Variants in ATG7 observed in about 807,000 individuals in gnomAD.
ATG7 encodes autophagy related 7.
A neutral mutation model predicts 82.4 loss-of-function variants in ATG7; 70 were observed. That is an observed-to-expected ratio of 0.85 (90% CI 0.70 to 1.04). The LOEUF (loss-of-function observed/expected upper bound fraction) is 1.04, where lower values mean the gene tolerates loss of function less well. Ranked by LOEUF, ATG7 falls within the 50% of genes least tolerant of loss-of-function variation. The pLI is 0.00. For missense variants in ATG7, 792 were observed against 864.3 expected (o/e 0.92, Z 1.05); for synonymous variants, 287 against 313.0 (o/e 0.92, Z 0.88).
At chr3:11,497,432 C>T (rs981857163) in intron 20 of ATG7, among the ~76,000 whole-genome samples, 8 of 126,262 alleles carry the variant, frequency 6.3e-5, no homozygotes, top group Non-Finnish European at 1.3e-4. Flanking sequence ...ATACCAGCTA[C>T]TCAGGAGGCA....
At chr3:11,490,469 ATATT>A (rs1170462950) in intron 20 of ATG7, among the ~76,000 whole-genome samples, 5 of 152,146 alleles carry the variant, frequency 3.3e-5, no homozygotes, top group African/African-American at 1.2e-4. Context: ...TAGTCCATTT[ATATT>A]TAAAGTTAAT....
chr3:11,443,136 C>A (rs1297710411), intron 20 of ATG7, among the ~76,000 whole-genome samples: 1 of 152,162 alleles, frequency 6.6e-6, no homozygotes, highest in Non-Finnish European at 1.5e-5. Context: ...CCAGGTGTCG[C>A]CATGCACTCC....
intron 20 of ATG7, among the ~76,000 whole-genome samples, chr3:11,484,997 T>G (rs1460301520): frequency 1.3e-5 from 2 of 152,194 alleles, no homozygotes; most frequent in Non-Finnish European, 2.9e-5. Flanking sequence ...AGTGCCGCAA[T>G]AAACATACGT....
At chr3:11,399,407 A>T (rs1464531389) in intron 19 of ATG7, among the ~76,000 whole-genome samples, 1 of 152,214 alleles carries the variant, frequency 6.6e-6, no homozygotes, top group Non-Finnish European at 1.5e-5. Context: ...AATGTTAAAA[A>T]ACAAAATGAA....
At chr3:11,429,573 ATCT>A (rs2082678932) in intron 20 of ATG7, among the ~76,000 whole-genome samples, 1 of 152,092 alleles carries the variant, frequency 6.6e-6, no homozygotes, top group Non-Finnish European at 1.5e-5. Context: ...CCAGACATGC[ATCT>A]CTTAATAGTG....
intron 20 of ATG7, among the ~76,000 whole-genome samples, chr3:11,488,920 A>G (rs2090057454): frequency 6.6e-6 from 1 of 152,130 alleles, no homozygotes; most frequent in Non-Finnish European, 1.5e-5. Context: ...GGCCTCATAA[A>G]ATGAATTAGG....
chr3:11,309,337 A>G (rs1948265031), intron 7 of ATG7, among the ~76,000 whole-genome samples: 2 of 152,194 alleles, frequency 1.3e-5, no homozygotes, highest in Non-Finnish European at 2.9e-5. Context: ...ATGTGGTTTC[A>G]TTGTTGCTAA....
chr3:11,361,286 CTTTTTT>C (rs760437157), intron 16 of ATG7, among the ~76,000 whole-genome samples: 2 of 139,096 alleles, frequency 1.4e-5, no homozygotes, highest in African/African-American at 5.3e-5. Flanking sequence ...ATAATGAATT[CTTTTTT>C]TTTTTTTTTT....
the ATG7 span, among the ~76,000 whole-genome samples, chr3:11,571,642 G>A: frequency 1.3e-5 from 2 of 152,340 alleles, no homozygotes; most frequent in African/African-American, 4.8e-5. Flanking sequence ...ACTCCAGCCT[G>A]GGCAACAGGG....
the ATG7 span, among the ~76,000 whole-genome samples, chr3:11,564,020 C>G: frequency 1.3e-5 from 2 of 152,158 alleles, no homozygotes; most frequent in East Asian, 3.9e-4. Flanking sequence ...GGAGGCACCC[C>G]CTCGGGGCAC....
chr3:11,336,267 C>T (rs574353342), intron 11 of ATG7, among the ~76,000 whole-genome samples: 8 of 151,888 alleles, frequency 5.3e-5, no homozygotes, highest in African/African-American at 1.7e-4. Flanking sequence ...CTCCTGAGCT[C>T]GGGCAATCTG....
intron 19 of ATG7, among the ~76,000 whole-genome samples, chr3:11,396,965 A>C (rs2079350889): frequency 6.6e-6 from 1 of 152,164 alleles, no homozygotes; most frequent in Non-Finnish European, 1.5e-5. Flanking sequence ...AAACAAATAG[A>C]AAAATTGTAT....
At chr3:11,346,645 A>C (rs1954598602) in intron 13 of ATG7, 1 of 152,198 alleles carries the variant, frequency 6.6e-6, no homozygotes, top group African/African-American at 2.4e-5. Flanking sequence ...CCCACTACCC[A>C]GCACGTTCCC....
chr3:11,533,847 G>C (rs1413174635), intron 20 of ATG7, among the ~76,000 whole-genome samples: 1 of 152,018 alleles, frequency 6.6e-6, no homozygotes, highest in Non-Finnish European at 1.5e-5. Flanking sequence ...TTATAAAATG[G>C]GCTTTAAAAA....
chr3:11,498,872 T>C (rs554655004), intron 20 of ATG7, among the ~76,000 whole-genome samples: 1 of 152,168 alleles, frequency 6.6e-6, no homozygotes, highest in East Asian at 1.9e-4. Context: ...CCTAGGAGAG[T>C]GTATGAGCCA....
intron 19 of ATG7, among the ~76,000 whole-genome samples, chr3:11,410,929 A>G (rs2080834138): frequency 2.6e-5 from 4 of 152,184 alleles, no homozygotes; most frequent in Admixed American, 2.6e-4. Context: ...TATAGCCAGA[A>G]TTGAATTGCT....
intron 19 of ATG7, among the ~76,000 whole-genome samples, chr3:11,396,421 A>G (rs1357170930): frequency 6.6e-6 from 1 of 152,228 alleles, no homozygotes; most frequent in Admixed American, 6.5e-5. Context: ...CCTGAGCAAC[A>G]GAGCGAGACT....
At chr3:11,482,809 T>C (rs532323737) in intron 20 of ATG7, among the ~76,000 whole-genome samples, 1 of 151,568 alleles carries the variant, frequency 6.6e-6, no homozygotes, top group Non-Finnish European at 1.5e-5. Context: ...TTTTTTGAGG[T>C]TTATATCATT....
At chr3:11,413,465 T>C (rs945449846) in intron 19 of ATG7, among the ~76,000 whole-genome samples, 1 of 152,208 alleles carries the variant, frequency 6.6e-6, no homozygotes, top group African/African-American at 2.4e-5. Context: ...TATGGTGTGT[T>C]ACATTGGTTT....
Sources: gnomAD v4.1 joint callset for allele counts (sites outside exome capture counted in the v4.1 genomes callset) on GRCh38, gnomAD v4.1.1 for gene constraint, MANE v1.5 for transcripts, NCBI Gene and HGNC (gene_info 2026-07-23, HGNC 2026-07-21) for gene names.